The following MAST4 variants were observed in gnomAD, a reference collection of about 807,000 sequenced individuals.
MAST4 encodes the protein microtubule associated serine/threonine kinase family member 4.
A neutral mutation model predicts 162.7 loss-of-function variants in MAST4; 89 were observed. The observed-to-expected ratio is 0.55, with a 90% CI of 0.46 to 0.65. The LOEUF (loss-of-function observed/expected upper bound fraction) is 0.65. MAST4 is among the 30% of genes least tolerant of loss of function. The pLI, the probability that MAST4 is intolerant of heterozygous loss-of-function variation, is 0.00. For missense variants in MAST4, 3,153 were observed against 3,374.0 expected (o/e 0.93, Z 1.62); for synonymous variants, 1,479 against 1,361.1 (o/e 1.09, Z -1.91).
intron 1 of MAST4, among the ~76,000 whole-genome samples, chr5:66,634,778 G>A (rs1011089096): frequency 6.6e-6 from 1 of 152,228 alleles, no homozygotes. Flanking sequence ...GTTGGGCTGG[G>A]CCCAAGGTAG....
At chr5:66,982,321 C>T (rs1279698927) in intron 4 of MAST4, among the ~76,000 whole-genome samples, 1 of 152,100 alleles carries the variant, frequency 6.6e-6, no homozygotes, top group African/African-American at 2.4e-5. Flanking sequence ...AGACTAAAGT[C>T]GATTCTAATA....
chr5:66,643,006 A>G (rs1745586162), intron 1 of MAST4, among the ~76,000 whole-genome samples: 1 of 152,202 alleles, frequency 6.6e-6, no homozygotes, highest in African/African-American at 2.4e-5. Context: ...TCATGTAAAT[A>G]CGAATTTCAG....
At chr5:67,008,753 T>C (rs1424932770) in intron 4 of MAST4, among the ~76,000 whole-genome samples, 1 of 152,214 alleles carries the variant, frequency 6.6e-6, no homozygotes, top group Non-Finnish European at 1.5e-5. Context: ...TTGGGGTTTT[T>C]ATTTTGGTAG....
chr5:67,040,024 G>A (rs1329100754), intron 4 of MAST4, among the ~76,000 whole-genome samples: 1 of 151,494 alleles, frequency 6.6e-6, no homozygotes. Context: ...CACTAATGCA[G>A]TCAGTGTATC....
chr5:66,773,790 TCC>T (rs1195146470), intron 2 of MAST4, among the ~76,000 whole-genome samples: 1 of 152,216 alleles, frequency 6.6e-6, no homozygotes, highest in East Asian at 1.9e-4. Flanking sequence ...ACTTCCAGCC[TCC>T]ACAGCTGTGA....
At chr5:66,631,268 G>C (rs1269679955) in intron 1 of MAST4, among the ~76,000 whole-genome samples, 1 of 152,118 alleles carries the variant, frequency 6.6e-6, no homozygotes, top group Non-Finnish European at 1.5e-5. Context: ...TTGTCTTCTG[G>C]TCCTTTACCT....
At chr5:66,634,767 C>T (rs536754798) in intron 1 of MAST4, among the ~76,000 whole-genome samples, 46 of 152,316 alleles carry the variant, frequency 3.0e-4, no homozygotes, top group African/African-American at 9.1e-4. Flanking sequence ...TGTGTGAGAA[C>T]GTTGGGCTGG....
intron 7 of MAST4, among the ~76,000 whole-genome samples, chr5:67,098,574 T>C (rs1764695751): frequency 6.6e-6 from 1 of 152,150 alleles, no homozygotes; most frequent in South Asian, 2.1e-4. Flanking sequence ...TAGAAACTTG[T>C]ATGTGCATAT....
chr5:66,980,915 G>T (rs1433589936), intron 4 of MAST4, among the ~76,000 whole-genome samples: 1 of 152,184 alleles, frequency 6.6e-6, no homozygotes, highest in Non-Finnish European at 1.5e-5. Context: ...CTGAGGACTG[G>T]CAGTAACAAG....
intron 3 of MAST4, among the ~76,000 whole-genome samples, chr5:66,875,843 C>T (rs1374773593): frequency 6.6e-6 from 1 of 152,214 alleles, no homozygotes; most frequent in Non-Finnish European, 1.5e-5. Flanking sequence ...TCAGTGTGGT[C>T]TCTTAAGTCT....
intron 4 of MAST4, among the ~76,000 whole-genome samples, chr5:66,904,586 G>A (rs544461604): frequency 3.5e-4 from 53 of 152,192 alleles, no homozygotes; most frequent in African/African-American, 1.3e-3. Context: ...AAAATTATCT[G>A]CAATTATCAC....
intron 5 of MAST4, among the ~76,000 whole-genome samples, chr5:67,058,699 G>A (rs2150579750): frequency 6.6e-6 from 1 of 152,290 alleles, no homozygotes; most frequent in South Asian, 2.1e-4. Flanking sequence ...GTGTTTTAGA[G>A]TGTGTATACA....
intron 4 of MAST4, among the ~76,000 whole-genome samples, chr5:66,925,798 A>G (rs1764849201): frequency 6.6e-6 from 1 of 152,062 alleles, no homozygotes; most frequent in Admixed American, 6.6e-5. Context: ...ATTGCCTAGC[A>G]CTCTCATTGA....
At chr5:67,095,571 C>G in intron 6 of MAST4, 26 bp from the exon 7 acceptor site, 1 of 1,583,018 alleles carries the variant, frequency 6.3e-7, no homozygotes. Flanking sequence ...CAGTGTTGGC[C>G]TAAGCTAAAC....
At chr5:66,700,781 TTATA>T (rs60991449) in intron 1 of MAST4, among the ~76,000 whole-genome samples, 1,808 of 142,800 alleles carry the variant, frequency 0.013, 23 homozygotes, top group African/African-American at 0.027. Flanking sequence ...AAAAAAAAAA[TTATA>T]TATATATATA....
chr5:66,669,938 T>C (rs1026954529), intron 1 of MAST4, among the ~76,000 whole-genome samples: 11 of 152,116 alleles, frequency 7.2e-5, no homozygotes, highest in African/African-American at 2.4e-4. Context: ...ATCTCCTTAG[T>C]GTGAAGTTGA....
chr5:67,019,845 A>G (rs1323008040), intron 4 of MAST4, among the ~76,000 whole-genome samples: 2 of 152,188 alleles, frequency 1.3e-5, no homozygotes, highest in Non-Finnish European at 2.9e-5. Flanking sequence ...TCATGGAGGT[A>G]TAATCTGGAA....
chr5:67,156,061 GAAAA>G (rs535974856), intron 26 of MAST4, among the ~76,000 whole-genome samples: 2 of 83,700 alleles, frequency 2.4e-5, no homozygotes, highest in Non-Finnish European at 5.3e-5. Context: ...TCCGTCTCAA[GAAAA>G]AAAAAAAAAA....
intron 4 of MAST4, among the ~76,000 whole-genome samples, chr5:66,925,966 C>A (rs1001135125): frequency 2.0e-5 from 3 of 150,256 alleles, no homozygotes; most frequent in Admixed American, 2.0e-4. Flanking sequence ...GCATTTAAGT[C>A]TTTTATGAGA....
Sources: allele counts gnomAD v4.1 joint callset (sites outside exome capture counted in the v4.1 genomes callset), GRCh38; gene constraint gnomAD v4.1.1; transcripts MANE v1.5; gene names NCBI Gene and HGNC (gene_info 2026-07-23, HGNC 2026-07-21).